RP1L1: variants seen among roughly 807,000 people sequenced by gnomAD.
The protein encoded by RP1L1 is retinitis pigmentosa 1-like 1 protein.
Under a neutral mutation model 15.7 loss-of-function variants are expected in RP1L1, and 27 were observed. The ratio of observed to expected loss-of-function variants is 1.72; its 90% CI spans 1.27 to 2.38. RP1L1 has a LOEUF of 2.38. RP1L1 is among the 30% of genes most tolerant of loss of function. The pLI is 0.00. For missense variants in RP1L1, 4,798 were observed against 3,075.9 expected (o/e 1.56, Z -13.24); for synonymous variants, 1,813 against 1,276.7 (o/e 1.42, Z -8.96).
chr8:10,646,549 T>TG (rs1350567351), intron 1 of RP1L1, among the ~76,000 whole-genome samples: 1 of 152,112 alleles, frequency 6.6e-6, no homozygotes, highest in Non-Finnish European at 1.5e-5. Flanking sequence ...GTCCCCAGTG[T>TG]GGGCTCCAGA....
intron 1 of RP1L1, among the ~76,000 whole-genome samples, chr8:10,625,778 G>C (rs747109437): frequency 9.9e-5 from 15 of 152,110 alleles, no homozygotes; most frequent in Non-Finnish European, 1.8e-4. Flanking sequence ...AGCTGTGGTG[G>C]GTGGTCTCAG....
chr8:10,634,148 G>A (rs974924210), intron 1 of RP1L1, among the ~76,000 whole-genome samples: 1 of 152,130 alleles, frequency 6.6e-6, no homozygotes, highest in Non-Finnish European at 1.5e-5. Context: ...ACATGGTACA[G>A]TTATCAGGCC....
rs777343360 is a variant in RP1L1 at position 10,608,070 on chromosome 8, G to A, written c.6028C>T (p.Gln2010Ter). ...GGCTGGGCCTCCTCTTCTGCCTCTT[G>A]CATCTCCCCTTCAGCCTCTGGGGCC... ...VEAPEAEGEM[Q>*]EAEEEAQPES... Residue 2010 changes from glutamine (Q) to a stop codon, truncating the protein, a stop_gained, in exon 4 of 4, where the codon CAA becomes TAA. Transcript: ENST00000382483. LOFTEE classifies it low-confidence loss of function (END_TRUNC). 47 of 1,611,440 alleles carry A rather than the reference G, an allele frequency of 2.9e-5. 1 individual carries two copies. In the South Asian group the frequency reaches 4.8e-4, roughly 17 times the overall value.
intron 1 of RP1L1, among the ~76,000 whole-genome samples, chr8:10,635,410 G>A (rs1360104460): frequency 1.3e-5 from 2 of 152,196 alleles, no homozygotes; most frequent in African/African-American, 2.4e-5. Context: ...GAGATCCAAC[G>A]CCTCATGCAC....
rs1797726001 is a variant in RP1L1 at position 10,607,495 on chromosome 8, TGCCTCTGGG to T, written c.6594_6602del (p.Pro2199_Ala2201del). On this transcript the variant is annotated inframe_deletion, in exon 4 of 4. Coordinates refer to ENST00000382483, the MANE Select transcript of RP1L1 (RefSeq NM_178857.6). ...CTAACTCTGGTTGGGCCTCCCCTTC[TGCCTCTGGG>T]GCCTCTATACCTTCTGACTCTGGCT... 1.2e-6 allele frequency: 2 copies of T among 1,606,688 alleles called. No homozygotes were observed. The highest frequency in any genetic ancestry group is 1.7e-6 in the Non-Finnish European group (2 of 1,176,164).
In RP1L1 at chr8:10,607,035, C is replaced by T. The variant is rs185197824; in HGVS notation, c.7063G>A (p.Ala2355Thr). 26 of 1,614,230 alleles carry T rather than the reference C, an allele frequency of 1.6e-5. No homozygotes were observed. In the African/African-American group the frequency reaches 2.9e-4, roughly 18 times the overall value. ...PESSTSEQEE[A>T]PLGSRTPEQG... ...TCTGGAGTCCTTGAGCCCAAAGGGG[C>T]CTCTTCTTGCTCAGAAGTAGAACTT... Residue 2355 changes from alanine to threonine, a missense_variant, in exon 4 of 4, where the codon GCC becomes ACC. Coordinates refer to ENST00000382483, the MANE Select transcript of RP1L1 (RefSeq NM_178857.6).
At position 10,610,916 on chromosome 8, in the gene RP1L1, T is replaced by A. The variant is rs1162667414; in HGVS notation, c.3182A>T (p.Asp1061Val). ...CCTGCAGCCTGCTGGGGCCTCTCTG[T>A]CTGCTCCGGCCTCTGCAGGGGCCTC... ...VSEAPAEAGA[D>V]REAPAGCRVS... Residue 1061 changes from aspartate to valine, a missense_variant, in exon 4 of 4, where the codon GAC becomes GTC. Asp to Val is a radical substitution (Grantham distance 152). Transcript: ENST00000382483. The A allele has an allele frequency of 6.2e-7, 1 of 1,610,924 alleles. No individual in the cohort carries two copies. The highest frequency in any genetic ancestry group is 8.5e-7 in the Non-Finnish European group (1 of 1,179,292).
intron 1 of RP1L1, among the ~76,000 whole-genome samples, chr8:10,629,765 A>G (rs1305836288): frequency 6.6e-6 from 1 of 151,954 alleles, no homozygotes; most frequent in African/African-American, 2.4e-5. Context: ...CTGTCTTTCT[A>G]CCCTGCTGTC....
At chr8:10,625,654 G>A (rs976727046) in intron 1 of RP1L1, among the ~76,000 whole-genome samples, 11 of 152,228 alleles carry the variant, frequency 7.2e-5, no homozygotes, top group Non-Finnish European at 1.3e-4. Context: ...CTCATCAGGT[G>A]CGGGCAGGTA....
chr8:10,650,154 C>T (rs912405548), intron 1 of RP1L1, among the ~76,000 whole-genome samples: 13 of 152,172 alleles, frequency 8.5e-5, no homozygotes, highest in African/African-American at 3.1e-4. Context: ...CTGGGTGCTG[C>T]TGCAACCACC....
intron 1 of RP1L1, among the ~76,000 whole-genome samples, chr8:10,652,384 T>C (rs1798575877): frequency 6.6e-6 from 1 of 152,194 alleles, no homozygotes; most frequent in African/African-American, 2.4e-5. Context: ...CCTCAGAAAC[T>C]GATCCATCAT....
chr8:10,612,209 G>A lies in RP1L1; in HGVS notation c.1889C>T (p.Thr630Ile), dbSNP rs774014509. The change falls in exon 4 of 4, where the codon ACC becomes ATC. Residue 630 changes from threonine (T) to isoleucine (I), a missense_variant. Transcript: ENST00000382483. ...DSEGASSTPS[T>I]CTSSQQGQRR... is the part of the protein sequence containing the mutation. Reference sequence around the variant, plus strand: ...CTGCCCCTGCTGGGATGAAGTGCAGGTGGAAGGGGTGGAAGAGGCTCCTTC... The same window carrying A: ...CTGCCCCTGCTGGGATGAAGTGCAGATGGAAGGGGTGGAAGAGGCTCCTTC... 21 of 1,613,116 alleles carry A rather than the reference G, an allele frequency of 1.3e-5. No individual in the cohort carries two copies. In the South Asian group the frequency reaches 2.1e-4, roughly 16 times the overall value.
Position 10,612,390 on chromosome 8 carries a change from C to G in RP1L1, c.1708G>C (p.Glu570Gln), listed in dbSNP as rs1362551155. The G allele has an allele frequency of 1.9e-6, 3 of 1,612,822 alleles. No homozygotes were observed. The highest frequency in any genetic ancestry group is 2.5e-6 in the Non-Finnish European group (3 of 1,180,028). ...GCTGGAGAAGCGGGGTCGCCTCCCT[C>G]GCTGGCCTCCTGCTGAGAGGTCTCG... ...RAETSQQEAS[E>Q]GGDPASPALS... is the part of the protein sequence containing the mutation. The change falls in exon 4 of 4, where the codon GAG becomes CAG. Residue 570 changes from glutamate (E) to glutamine (Q), a missense_variant. Glu to Gln is a conservative substitution (Grantham distance 29). Coordinates refer to ENST00000382483, the MANE Select transcript of RP1L1 (RefSeq NM_178857.6).
At chr8:10,651,955 C>G (rs1198149939) in intron 1 of RP1L1, among the ~76,000 whole-genome samples, 3 of 152,154 alleles carry the variant, frequency 2.0e-5, no homozygotes, top group Non-Finnish European at 4.4e-5. Context: ...TATACTGTAT[C>G]TGTACTGTTT....
At chr8:10,625,655 C>A (rs1381091492) in intron 1 of RP1L1, among the ~76,000 whole-genome samples, 3 of 152,168 alleles carry the variant, frequency 2.0e-5, no homozygotes, top group African/African-American at 7.2e-5. Flanking sequence ...TCATCAGGTG[C>A]GGGCAGGTAG....
chr8:10,634,326 G>A (rs1016083064), intron 1 of RP1L1, among the ~76,000 whole-genome samples: 2 of 152,086 alleles, frequency 1.3e-5, no homozygotes, highest in South Asian at 2.1e-4. Flanking sequence ...GATGCTTGTG[G>A]GCAGAGCTGC....
At chr8:10,629,151 G>T (rs1209233440) in intron 1 of RP1L1, among the ~76,000 whole-genome samples, 1 of 152,234 alleles carries the variant, frequency 6.6e-6, no homozygotes, top group Non-Finnish European at 1.5e-5. Context: ...CCCAGGACAG[G>T]TAGAAAGCTC....
rs755089461 is a variant in RP1L1, at chr8:10,611,269, C to G, written c.2829G>C (p.Val943=). The G allele has an allele frequency of 5.0e-6, 8 of 1,613,020 alleles. No individual in the cohort carries two copies. Among genetic ancestry groups the G allele is most frequent in the Admixed American group, 1.7e-5 (1 of 60,032 alleles). The part of the protein sequence containing the change: ...GPQGQEEASG[V]SPSSLPRSSP... Reference sequence around the variant, plus strand: ...ACGAGCGGGGCAGAGAGCTGGGTGACACACCACTGGCCTCCTCCTGCCCCT... The same window carrying G: ...ACGAGCGGGGCAGAGAGCTGGGTGAGACACCACTGGCCTCCTCCTGCCCCT... The change falls in exon 4 of 4, where the codon GTG becomes GTC. Residue 943 remains valine (V), a synonymous_variant. Coordinates refer to ENST00000382483, the MANE Select transcript of RP1L1 (RefSeq NM_178857.6).
intron 1 of RP1L1, among the ~76,000 whole-genome samples, chr8:10,630,101 G>C (rs1253755106): frequency 1.3e-5 from 2 of 152,206 alleles, no homozygotes; most frequent in Non-Finnish European, 2.9e-5. Flanking sequence ...CAAGTCAAGA[G>C]GGCTTAGCTG....
Sources: gnomAD v4.1 joint callset for allele counts (sites outside exome capture counted in the v4.1 genomes callset) on GRCh38, gnomAD v4.1.1 for gene constraint, MANE v1.5 for transcripts, NCBI Gene and HGNC (gene_info 2026-07-23, HGNC 2026-07-21) for gene names.